Variants in SH3RF3 observed in about 807,000 individuals in gnomAD.
SH3RF3 encodes E3 ubiquitin-protein ligase SH3RF3.
In SH3RF3, 29 loss-of-function variants were observed where a neutral mutation model predicts 66.3. The ratio of observed to expected loss-of-function variants is 0.44; its 90% CI spans 0.33 to 0.60. The LOEUF (loss-of-function observed/expected upper bound fraction) is 0.60. Ranked by LOEUF, SH3RF3 falls within the 20% of genes least tolerant of loss-of-function variation. The pLI is 0.04. For synonymous variants in SH3RF3, 583 were observed against 532.0 expected, an observed-to-expected ratio of 1.10 and a Z score of -1.32; for missense variants, 1,194 against 1,190.9, an observed-to-expected ratio of 1.00 and a Z score of -0.04.
intron 8 of SH3RF3, among the ~76,000 whole-genome samples, chr2:109,475,009 C>T (rs865988670): frequency 2.6e-4 from 40 of 152,046 alleles, no homozygotes; most frequent in African/African-American, 8.7e-4. Flanking sequence ...GACGGAGTCT[C>T]GCTGTGTCAC....
intron 1 of SH3RF3, among the ~76,000 whole-genome samples, chr2:109,287,697 C>T (rs1314007397): frequency 1.3e-5 from 2 of 152,136 alleles, no homozygotes; most frequent in Non-Finnish European, 2.9e-5. Flanking sequence ...CTATCAGAGG[C>T]CTCAGATCTC....
At chr2:109,242,743 G>T (rs1369910333) in intron 1 of SH3RF3, among the ~76,000 whole-genome samples, 2 of 152,224 alleles carry the variant, frequency 1.3e-5, no homozygotes, top group Non-Finnish European at 2.9e-5. Flanking sequence ...CCACAGCTGG[G>T]CCTTGATCTT....
chr2:109,334,055 G>C (rs11676579), intron 1 of SH3RF3, among the ~76,000 whole-genome samples: 76,483 of 152,010 alleles, frequency 0.5, 21,036 homozygotes, highest in Non-Finnish European at 0.62. Context: ...ACAGACAGTT[G>C]TGCATTTGAA....
intron 1 of SH3RF3, among the ~76,000 whole-genome samples, chr2:109,223,857 T>C (rs10192698): frequency 0.74 from 112,356 of 152,168 alleles, 42,039 homozygotes; most frequent in East Asian, 0.89. Context: ...GGTAGCTGGA[T>C]GTGGTGGCAC....
chr2:109,464,963 T>C (rs1448605103), intron 8 of SH3RF3, among the ~76,000 whole-genome samples: 1 of 152,258 alleles, frequency 6.6e-6, no homozygotes, highest in African/African-American at 2.4e-5. Flanking sequence ...CTCTGTGCTC[T>C]GCCTGTTGAT....
intron 1 of SH3RF3, among the ~76,000 whole-genome samples, chr2:109,244,284 A>T (rs1679858581): frequency 6.6e-6 from 1 of 152,260 alleles, no homozygotes; most frequent in South Asian, 2.1e-4. Context: ...GCATTATGCA[A>T]CAGCTTCTTC....
At chr2:109,440,937 C>T (rs1290859960) in intron 7 of SH3RF3, among the ~76,000 whole-genome samples, 3 of 152,122 alleles carry the variant, frequency 2.0e-5, no homozygotes, top group African/African-American at 7.2e-5. Flanking sequence ...TGCCTGTTCC[C>T]ACCAGCCAGA....
Position 109,293,089 on chromosome 2 carries a change from G to A in SH3RF3, c.574-54585G>A, listed in dbSNP as rs60271077. 8.0e-3 allele frequency among the ~76,000 whole-genome samples: 1,218 copies of A among 152,294 alleles called. 14 individuals carry two copies. Among genetic ancestry groups the A allele is most frequent in the African/African-American group, 0.028 (1,165 of 41,572 alleles). On this transcript the variant is annotated intron_variant, in intron 1 of 9. Coordinates refer to ENST00000309415, the MANE Select transcript of SH3RF3 (RefSeq NM_001099289.3). ...TCAGGGAGGGTCCCTGCACAAGCAG[G>A]AAGGACTGTCTCGCCATGACACTGC...
chr2:109,437,530 C>A (rs1677438111), intron 7 of SH3RF3, among the ~76,000 whole-genome samples: 1 of 152,154 alleles, frequency 6.6e-6, no homozygotes, highest in African/African-American at 2.4e-5. Context: ...CAAATGCCTC[C>A]CCCATGAATG....
chr2:109,410,453 G>A (rs1194189747), intron 4 of SH3RF3, among the ~76,000 whole-genome samples: 8 of 152,208 alleles, frequency 5.3e-5, no homozygotes, highest in South Asian at 2.1e-4. Flanking sequence ...CAGCATCAGC[G>A]TGCACGCTGT....
intron 8 of SH3RF3, among the ~76,000 whole-genome samples, chr2:109,487,993 G>C (rs1341307829): frequency 6.6e-6 from 1 of 152,240 alleles, no homozygotes; most frequent in Non-Finnish European, 1.5e-5. Context: ...TCATGGTGAA[G>C]AGGAAACAGA....
intron 4 of SH3RF3, among the ~76,000 whole-genome samples, chr2:109,418,539 A>G (rs948315952): frequency 2.6e-5 from 4 of 152,054 alleles, no homozygotes; most frequent in Admixed American, 2.0e-4. Context: ...CCGTCCTCAC[A>G]TGGGCTTCCT....
chr2:109,235,759 A>T (rs1679632232), intron 1 of SH3RF3, among the ~76,000 whole-genome samples: 1 of 151,932 alleles, frequency 6.6e-6, no homozygotes, highest in South Asian at 2.1e-4. Flanking sequence ...CACTTGTTAG[A>T]CTCTCTACTG....
intron 1 of SH3RF3, among the ~76,000 whole-genome samples, chr2:109,296,461 C>CA (rs1681311531): frequency 6.6e-6 from 1 of 151,962 alleles, no homozygotes; most frequent in Non-Finnish European, 1.5e-5. Context: ...AAGCTGGTCT[C>CA]AAACTCCTGA....
At chr2:109,292,170 G>T (rs1015210592) in intron 1 of SH3RF3, among the ~76,000 whole-genome samples, 4 of 152,154 alleles carry the variant, frequency 2.6e-5, no homozygotes. Flanking sequence ...GCCCCAATAT[G>T]TATTTTTAAA....
intron 3 of SH3RF3, among the ~76,000 whole-genome samples, chr2:109,383,984 A>C (rs1675759865): frequency 6.6e-6 from 1 of 152,208 alleles, no homozygotes; most frequent in African/African-American, 2.4e-5. Flanking sequence ...CAGTTCCTTC[A>C]GGGCTGGCCC....
chr2:109,237,429 G>C (rs919783564), intron 1 of SH3RF3, among the ~76,000 whole-genome samples: 1 of 152,196 alleles, frequency 6.6e-6, no homozygotes, highest in Non-Finnish European at 1.5e-5. Context: ...GGAGAAGGTT[G>C]GTGGAAGGCT....
chr2:109,277,608 G>C (rs946562398), intron 1 of SH3RF3, among the ~76,000 whole-genome samples: 1 of 152,150 alleles, frequency 6.6e-6, no homozygotes, highest in Non-Finnish European at 1.5e-5. Flanking sequence ...ACTCCTCCGC[G>C]TGCGTAGCTC....
intron 5 of SH3RF3, among the ~76,000 whole-genome samples, chr2:109,424,923 G>A (rs879143070): frequency 6.6e-6 from 1 of 152,186 alleles, no homozygotes; most frequent in African/African-American, 2.4e-5. Flanking sequence ...TAAGCTTGGC[G>A]AGGAAGTCAT....
Sources: gnomAD v4.1 joint callset for allele counts (sites outside exome capture counted in the v4.1 genomes callset) on GRCh38, gnomAD v4.1.1 for gene constraint, MANE v1.5 for transcripts, NCBI Gene and HGNC (gene_info 2026-07-23, HGNC 2026-07-21) for gene names.